DMP1: variants seen among roughly 807,000 people sequenced by gnomAD.
DMP1 encodes dentin matrix acidic phosphoprotein 1.
Under a neutral mutation model 14.6 loss-of-function variants are expected in DMP1, and 20 were observed. That is an observed-to-expected ratio of 1.37 (90% CI 0.96 to 1.99). The LOEUF (loss-of-function observed/expected upper bound fraction) is 1.99. DMP1 is among the 30% of genes most tolerant of loss of function. The probability of loss-of-function intolerance (pLI) is 0.00; values close to 1 mark genes in which losing one functional copy is unlikely to be tolerated. For missense variants in DMP1, 567 were observed against 620.5 expected (o/e 0.91, Z 0.92); for synonymous variants, 197 against 215.3 (o/e 0.91, Z 0.75).
rs142255085 is a variant in DMP1 at position 87,657,838 on chromosome 4, G to T, written c.102+759G>T. On this transcript the variant is annotated intron_variant, in intron 3 of 5. Coordinates refer to ENST00000339673, the MANE Select transcript of DMP1 (RefSeq NM_004407.4). ...ATCTTATGCGAAATCAGAGCATTTT[G>T]TTCACTACTGTGTTTCCTACTGGCT... Among the ~76,000 whole-genome samples the T allele has an allele frequency of 2.8e-3, 433 of 152,270 alleles. 2 individuals are homozygous for T. The highest frequency in any genetic ancestry group is 9.9e-3 in the African/African-American group (410 of 41,560).
Position 87,662,971 on chromosome 4 carries a change from A to T in DMP1, c.1193A>T (p.Glu398Val). Reference protein sequence around the residue: ...SSHTLSHSKSESREEQADSES... With the variant: ...SSHTLSHSKSVSREEQADSES... ...CACACACTCTCCCACTCAAAAAGTG[A>T]ATCCAGAGAGGAGCAAGCAGACAGC... Residue 398 changes from glutamate (E) to valine (V), a missense_variant, in exon 6 of 6, where the codon GAA becomes GTA. Glu to Val is a moderately radical substitution (Grantham distance 121, BLOSUM62 -2). Coordinates refer to ENST00000339673, the MANE Select transcript of DMP1 (RefSeq NM_004407.4). The T allele has an allele frequency of 6.2e-7, 1 of 1,614,150 alleles. No homozygotes were observed. Among genetic ancestry groups the T allele is most frequent in the Non-Finnish European group, 8.5e-7 (1 of 1,180,022 alleles).
At position 87,663,737 on chromosome 4, in the gene DMP1, G is replaced by A; in HGVS notation, c.*417G>A. On this transcript the variant is annotated 3_prime_UTR_variant, in exon 6 of 6. Coordinates refer to ENST00000339673, the MANE Select transcript of DMP1 (RefSeq NM_004407.4). Reference sequence around the variant, plus strand: ...CCCACAAAGCTACAGAGTTAAAGAGGGATATGTATAAGAGAAACAAGAATT... The same window carrying A: ...CCCACAAAGCTACAGAGTTAAAGAGAGATATGTATAAGAGAAACAAGAATT... 2 of 291,454 alleles carry A rather than the reference G, an allele frequency of 6.9e-6. No homozygotes were observed. Among genetic ancestry groups the A allele is most frequent in the Non-Finnish European group, 1.3e-5 (2 of 151,812 alleles). The allele number at this position is 291,454 out of a possible 1,614,324, so 18.1% of individuals were successfully genotyped here. A position where few individuals can be genotyped will look rare whatever the true frequency, so the allele number is the denominator to read the frequency against.
intron 1 of DMP1, 69 bp from the exon 2 acceptor site, chr4:87,656,403 A>C (rs1728695027): frequency 4.6e-6 from 4 of 877,690 alleles, no homozygotes; most frequent in Non-Finnish European, 7.8e-6. Flanking sequence ...AGTAGGAAGA[A>C]ACTGTTAAAA....
rs4693851 is a variant in DMP1, at chr4:87,656,602, A to G, written c.54+56A>G. ...ACCCTTTCATACTTAAAACTCCACA[A>G]TTTTGATTGGCTATGAACCAAGATG... On this transcript the variant is annotated intron_variant, in intron 2 of 5. Coordinates refer to ENST00000339673, the MANE Select transcript of DMP1 (RefSeq NM_004407.4). The G allele has an allele frequency of 0.2, 230,688 of 1,177,600 alleles. 24,571 individuals are homozygous for G. Among genetic ancestry groups the G allele is most frequent in the Middle Eastern group, 0.3 (1,565 of 5,286 alleles). The allele number at this position is 1,177,600 out of a possible 1,614,324, so 72.9% of individuals were successfully genotyped here. A position where few individuals can be genotyped will look rare whatever the true frequency, so the allele number is the denominator to read the frequency against.
At position 87,662,579 on chromosome 4, in the gene DMP1, T is replaced by G. The variant is rs1482030724; in HGVS notation, c.801T>G (p.Ile267Met). ...SQLLEHPSRK[I>M]FRKSRISEED... ...TGCTGGAGCATCCCAGTAGGAAAAT[T>G]TTTAGGAAGTCTCGCATCTCAGAGG... Residue 267 changes from isoleucine to methionine, a missense_variant, in exon 6 of 6, where the codon ATT becomes ATG. Coordinates refer to ENST00000339673, the MANE Select transcript of DMP1 (RefSeq NM_004407.4). 1 of 1,613,776 alleles carries G rather than the reference T, an allele frequency of 6.2e-7. No individual in the cohort carries two copies. Among genetic ancestry groups the G allele is most frequent in the African/African-American group, 1.3e-5 (1 of 74,844 alleles).
At chr4:87,657,292 T>C (rs116792016) in intron 3 of DMP1, 4 of 444,092 alleles carry the variant, frequency 9.0e-6, no homozygotes, top group African/African-American at 2.0e-5. Context: ...TTTCTTCTTA[T>C]AATGGATGTG....
chr4:87,664,170 G>A lies in DMP1; in HGVS notation c.*850G>A, dbSNP rs570065274. 2 of 152,308 alleles carry A rather than the reference G, an allele frequency of 1.3e-5. No homozygotes were observed. Among genetic ancestry groups the A allele is most frequent in the South Asian group, 2.1e-4 (1 of 4,812 alleles). 9.4% of individuals were successfully genotyped at this position (152,308 alleles called of 1,614,324 possible). The stretch of plus-strand genomic sequence containing the variant: ...GTGGGAGAAAGAAATTCCTCTTTAC[G>A]TAGATACTTTTTAGCTTTATTTTTT... On this transcript the variant is annotated 3_prime_UTR_variant, in exon 6 of 6. Transcript: ENST00000339673.
intron 1 of DMP1, among the ~76,000 whole-genome samples, chr4:87,655,387 A>C (rs1326080587): frequency 6.6e-6 from 1 of 152,206 alleles, no homozygotes; most frequent in Non-Finnish European, 1.5e-5. Context: ...ACCCTCCAGA[A>C]AAATAGTTTG....
intron 1 of DMP1, among the ~76,000 whole-genome samples, 176 bp from the exon 2 acceptor site, chr4:87,656,296 C>T (rs1397667072): frequency 6.6e-6 from 1 of 152,210 alleles, no homozygotes; most frequent in Non-Finnish European, 1.5e-5. Context: ...CATGTCAGTA[C>T]TTCATTCCTC....
At chr4:87,653,388 T>TTG (rs1728575665) in intron 1 of DMP1, among the ~76,000 whole-genome samples, 3 of 11,682 alleles carry the variant, frequency 2.6e-4, no homozygotes, top group Non-Finnish European at 4.7e-4. Context: ...TATCGAGTGA[T>TTG]ATATATATAT....
intron 1 of DMP1, among the ~76,000 whole-genome samples, chr4:87,656,126 C>T (rs1728683408): frequency 6.6e-6 from 1 of 152,198 alleles, no homozygotes; most frequent in African/African-American, 2.4e-5. Context: ...CCCTCAACCT[C>T]CCATCTGCAC....
intron 5 of DMP1, among the ~76,000 whole-genome samples, chr4:87,660,238 A>G (rs1256940459): frequency 5.3e-5 from 8 of 152,232 alleles, no homozygotes; most frequent in Non-Finnish European, 4.4e-5. Context: ...TTATCAAAGG[A>G]ACATTCTAGA....
chr4:87,662,204 C>G lies in DMP1; in HGVS notation c.426C>G (p.Asp142Glu). 1 of 1,614,176 alleles carries G rather than the reference C, an allele frequency of 6.2e-7. No homozygotes were observed. The highest frequency in any genetic ancestry group is 2.2e-5 in the East Asian group (1 of 44,866). The part of the protein sequence containing the change: ...SRLGSDEDSD[D>E]TIQASEESAP... Reference sequence around the variant, plus strand: ...TGGGAAGTGATGAGGACTCTGATGACACCATACAAGCCAGTGAAGAGAGTG... The same window carrying G: ...TGGGAAGTGATGAGGACTCTGATGAGACCATACAAGCCAGTGAAGAGAGTG... The change falls in exon 6 of 6, where the codon GAC becomes GAG. Residue 142 changes from aspartate (D) to glutamate (E), a missense_variant. Coordinates refer to ENST00000339673, the MANE Select transcript of DMP1 (RefSeq NM_004407.4).
At chr4:87,656,883 G>C (rs1728713778) in intron 2 of DMP1, 149 bp from the exon 3 acceptor site, 29 of 660,616 alleles carry the variant, frequency 4.4e-5, no homozygotes, top group Non-Finnish European at 8.0e-5. Flanking sequence ...TTAGGGATAG[G>C]AAACAGAAAT....
At chr4:87,654,212 G>A (rs1325694909) in intron 1 of DMP1, among the ~76,000 whole-genome samples, 1 of 152,164 alleles carries the variant, frequency 6.6e-6, no homozygotes, top group African/African-American at 2.4e-5. Context: ...AAAGACAGGG[G>A]GACTTAGGGT....
chr4:87,655,702 TTGTG>T (rs745805195), intron 1 of DMP1, among the ~76,000 whole-genome samples: 6 of 151,604 alleles, frequency 4.0e-5, no homozygotes, highest in Admixed American at 1.3e-4. Flanking sequence ...ATGTGTGTGT[TTGTG>T]TGTGTGTGAA....
chr4:87,651,768 G>T (rs911280391), intron 1 of DMP1, among the ~76,000 whole-genome samples: 1 of 152,040 alleles, frequency 6.6e-6, no homozygotes, highest in Non-Finnish European at 1.5e-5. Context: ...TTGTTCAGTT[G>T]TGTTCTTGAA....
Position 87,662,860 on chromosome 4 carries a change from G to C in DMP1, c.1082G>C (p.Ser361Thr). The C allele has an allele frequency of 1.2e-6, 2 of 1,613,772 alleles. No homozygotes were observed. Among genetic ancestry groups the C allele is most frequent in the Non-Finnish European group, 1.7e-6 (2 of 1,179,682 alleles). The change falls in exon 6 of 6, where the codon AGT becomes ACT. Residue 361 changes from serine (S) to threonine (T), a missense_variant. Coordinates refer to ENST00000339673, the MANE Select transcript of DMP1 (RefSeq NM_004407.4). ...NSSESQEEVVSESRGDNPDPT... is the reference protein window; with the variant it reads ...NSSESQEEVVTESRGDNPDPT... ...AGTGAGTCTCAGGAAGAGGTGGTGAGTGAGTCCAGGGGAGATAACCCCGAC... is the reference window on the plus strand; with the variant it reads ...AGTGAGTCTCAGGAAGAGGTGGTGACTGAGTCCAGGGGAGATAACCCCGAC...
Position 87,660,982 on chromosome 4 carries a change from C to A in DMP1, c.184-980C>A, listed in dbSNP as rs558386795. ...CTGTTTCACACCAAACACTTTAATG[C>A]ATGAGCATTATAAACCAACTCTAAT... On this transcript the variant is annotated intron_variant, in intron 5 of 5. Coordinates refer to ENST00000339673, the MANE Select transcript of DMP1 (RefSeq NM_004407.4). Among the ~76,000 whole-genome samples, 42 of 152,296 alleles carry A rather than the reference C, an allele frequency of 2.8e-4. 1 individual carries two copies. In the South Asian group the frequency reaches 8.7e-3, roughly 32 times the overall value.
Sources: gnomAD v4.1 joint callset for allele counts (sites outside exome capture counted in the v4.1 genomes callset) on GRCh38, gnomAD v4.1.1 for gene constraint, MANE v1.5 for transcripts, NCBI Gene and HGNC (gene_info 2026-07-23, HGNC 2026-07-21) for gene names.